Variants in GPC6 observed in about 807,000 individuals in gnomAD.
The protein encoded by GPC6 is glypican-6.
GPC6 carries 14 observed loss-of-function variants against 55.2 expected under a neutral mutation model. The observed-to-expected ratio is 0.25, with a 90% CI of 0.17 to 0.40. The LOEUF is 0.40. GPC6 is among the 10% of genes least tolerant of loss of function. GPC6 has a pLI of 1.00. For synonymous variants in GPC6, 278 were observed against 259.6 expected (o/e 1.07, Z -0.68); for missense variants, 641 against 708.5 (o/e 0.90, Z 1.08).
intron 1 of GPC6, among the ~76,000 whole-genome samples, chr13:93,374,803 ATGT>A (rs1006686614): frequency 1.3e-5 from 2 of 152,172 alleles, no homozygotes; most frequent in African/African-American, 4.8e-5. Flanking sequence ...CATATTTTTA[ATGT>A]TGTTGTTGGT....
intron 4 of GPC6, among the ~76,000 whole-genome samples, chr13:94,148,265 C>G (rs1207190524): frequency 6.6e-6 from 1 of 152,092 alleles, no homozygotes; most frequent in Non-Finnish European, 1.5e-5. Context: ...AGTATTAAAG[C>G]AATTGGCTTG....
intron 4 of GPC6, among the ~76,000 whole-genome samples, chr13:94,244,518 C>T (rs1297888058): frequency 6.6e-6 from 1 of 152,100 alleles, no homozygotes; most frequent in Non-Finnish European, 1.5e-5. Context: ...AAAATACTAA[C>T]ATGTAAAATT....
intron 4 of GPC6, among the ~76,000 whole-genome samples, chr13:94,094,811 T>G (rs1432901595): frequency 8.9e-6 from 1 of 111,756 alleles, no homozygotes. Flanking sequence ...TCTAGTGTAA[T>G]CATTTAATAA....
At chr13:94,047,161 G>T (rs1330290721) in intron 4 of GPC6, among the ~76,000 whole-genome samples, 1 of 152,012 alleles carries the variant, frequency 6.6e-6, no homozygotes, top group Non-Finnish European at 1.5e-5. Flanking sequence ...AAATGTATTG[G>T]TATTCTTGGA....
At chr13:93,267,026 T>A (rs1432792431) in intron 1 of GPC6, among the ~76,000 whole-genome samples, 2 of 152,172 alleles carry the variant, frequency 1.3e-5, no homozygotes, top group Admixed American at 6.5e-5. Context: ...TGCTTACTGA[T>A]CTATAAAGAA....
chr13:94,219,388 C>T (rs1484227106), intron 4 of GPC6, among the ~76,000 whole-genome samples: 1 of 152,184 alleles, frequency 6.6e-6, no homozygotes, highest in African/African-American at 2.4e-5. Flanking sequence ...ACAAGAGGCA[C>T]TGCCTCTGTA....
intron 4 of GPC6, among the ~76,000 whole-genome samples, chr13:94,252,383 G>T (rs937720749): frequency 1.3e-5 from 2 of 152,100 alleles, no homozygotes; most frequent in African/African-American, 4.8e-5. Flanking sequence ...CTTGGCTCTG[G>T]TGATGTCTGT....
chr13:93,909,931 C>T (rs78961238), intron 3 of GPC6, among the ~76,000 whole-genome samples: 4,608 of 152,148 alleles, frequency 0.03, 260 homozygotes, highest in East Asian at 0.22. Context: ...TAGATTCCTC[C>T]ACCTCCCCGC....
At chr13:94,088,733 G>A (rs1885376669) in intron 4 of GPC6, among the ~76,000 whole-genome samples, 1 of 80,752 alleles carries the variant, frequency 1.2e-5, no homozygotes, top group African/African-American at 4.2e-5. Flanking sequence ...CTGTCTTCTT[G>A]TAATTTCAAT....
chr13:93,710,393 C>T (rs1465365733), intron 2 of GPC6, among the ~76,000 whole-genome samples: 1 of 151,672 alleles, frequency 6.6e-6, no homozygotes, highest in East Asian at 2.0e-4. Context: ...AAATTTAGTT[C>T]ATGTATTTTG....
chr13:93,602,198 T>G (rs984329721), intron 2 of GPC6, among the ~76,000 whole-genome samples: 5 of 152,192 alleles, frequency 3.3e-5, no homozygotes, highest in Non-Finnish European at 4.4e-5. Flanking sequence ...TATTCTAAAC[T>G]AATGGTTTCG....
chr13:93,899,068 A>G (rs556057391), intron 3 of GPC6, among the ~76,000 whole-genome samples: 1 of 151,428 alleles, frequency 6.6e-6, no homozygotes, highest in African/African-American at 2.4e-5. Context: ...CAGACGTAAA[A>G]ATGTGCTTTA....
chr13:93,399,837 T>A (rs7329539), intron 1 of GPC6, among the ~76,000 whole-genome samples: 1 of 152,148 alleles, frequency 6.6e-6, no homozygotes, highest in East Asian at 1.9e-4. Flanking sequence ...CAAAAATGTG[T>A]GGATCTCTGT....
chr13:94,248,614 C>T (rs151259660), intron 4 of GPC6, among the ~76,000 whole-genome samples: 8 of 152,014 alleles, frequency 5.3e-5, no homozygotes, highest in African/African-American at 1.9e-4. Flanking sequence ...TCATATAGGA[C>T]CCTCTAGTCA....
rs117026495 is a variant in GPC6, at chr13:94,029,373, C to A, written c.877+1479C>A. Among the ~76,000 whole-genome samples the A allele has an allele frequency of 7.6e-4, 116 of 152,336 alleles. 2 individuals carry two copies. The East Asian group carries it at 0.022, about 29-fold the overall frequency. On this transcript the variant is annotated intron_variant, in intron 4 of 8. Coordinates refer to ENST00000377047, the MANE Select transcript of GPC6 (RefSeq NM_005708.5). The stretch of plus-strand genomic sequence containing the variant: ...AAAAGTTAATCATTAAGTTATCCTT[C>A]TGACACAAAATGACATGATTCTTTA...
chr13:93,393,934 G>A (rs1378764041), intron 1 of GPC6, among the ~76,000 whole-genome samples: 1 of 151,830 alleles, frequency 6.6e-6, no homozygotes, highest in East Asian at 1.9e-4. Flanking sequence ...GTTATGTATA[G>A]CAGAGACTCA....
At chr13:93,994,320 A>G (rs1289867278) in intron 3 of GPC6, among the ~76,000 whole-genome samples, 2 of 152,176 alleles carry the variant, frequency 1.3e-5, no homozygotes, top group East Asian at 1.9e-4. Flanking sequence ...GGAATATATT[A>G]CCTTTACAAA....
At chr13:94,138,558 C>A (rs935615637) in intron 4 of GPC6, among the ~76,000 whole-genome samples, 1 of 152,138 alleles carries the variant, frequency 6.6e-6, no homozygotes, top group Non-Finnish European at 1.5e-5. Flanking sequence ...TTCATCTTTT[C>A]AGCCACAAAA....
At chr13:93,528,873 A>C (rs527582868) in intron 1 of GPC6, among the ~76,000 whole-genome samples, 2 of 152,194 alleles carry the variant, frequency 1.3e-5, no homozygotes, top group South Asian at 4.1e-4. Context: ...CAAGGAGGAC[A>C]TCTTGATATC....
Sources: gnomAD v4.1 joint callset for allele counts (sites outside exome capture counted in the v4.1 genomes callset) on GRCh38, gnomAD v4.1.1 for gene constraint, MANE v1.5 for transcripts, NCBI Gene and HGNC (gene_info 2026-07-23, HGNC 2026-07-21) for gene names.